Variants in ATP9B observed in about 807,000 individuals in gnomAD.
ATP9B encodes probable phospholipid-transporting ATPase IIB.
Under a neutral mutation model 146.1 loss-of-function variants are expected in ATP9B, and 110 were observed. That is an observed-to-expected ratio of 0.75 (90% CI 0.65 to 0.88). ATP9B has a LOEUF of 0.88. Among genes scored for constraint, ATP9B ranks in the 40% least tolerant of loss-of-function variants. ATP9B has a pLI of 0.00. For synonymous variants in ATP9B, 604 were observed against 569.7 expected, an observed-to-expected ratio of 1.06 and a Z score of -0.86; for missense variants, 1,499 against 1,496.4, an observed-to-expected ratio of 1.00 and a Z score of -0.03.
At chr18:79,223,102 G>A (rs573694026) in intron 11 of ATP9B, among the ~76,000 whole-genome samples, 9 of 152,266 alleles carry the variant, frequency 5.9e-5, no homozygotes, top group Non-Finnish European at 1.2e-4. Flanking sequence ...TGTCTCATTG[G>A]CAGAGAGATA....
chr18:79,297,751 G>GACTTCT (rs1476419767), intron 13 of ATP9B, among the ~76,000 whole-genome samples: 3 of 113,384 alleles, frequency 2.6e-5, no homozygotes, highest in Admixed American at 1.0e-4. Context: ...CAGGGACTTA[G>GACTTCT]GATTTCATGT....
rs145579551 is a variant in ATP9B at position 79,312,548 on chromosome 18, G to C, written c.1773+5314G>C. Among the ~76,000 whole-genome samples, 640 of 152,298 alleles carry C rather than the reference G, an allele frequency of 4.2e-3. 3 individuals carry two copies. The highest frequency in any genetic ancestry group is 0.024 in the Middle Eastern group (7 of 294). Reference sequence around the variant, plus strand: ...GGCATCCCTCTCCGTGTTTTCGCAGGTTCTGAGTAGCAGGCTTTATCTTCC... The same window carrying C: ...GGCATCCCTCTCCGTGTTTTCGCAGCTTCTGAGTAGCAGGCTTTATCTTCC... On this transcript the variant is annotated intron_variant, in intron 15 of 29. Transcript: ENST00000426216.
At chr18:79,073,578 G>C (rs1012554611) in intron 1 of ATP9B, among the ~76,000 whole-genome samples, 13 of 152,198 alleles carry the variant, frequency 8.5e-5, no homozygotes, top group African/African-American at 1.2e-4. Flanking sequence ...GATTGCGGCA[G>C]TACAGTCCAG....
chr18:79,293,361 G>C (rs1016388194), intron 13 of ATP9B, among the ~76,000 whole-genome samples: 1 of 152,082 alleles, frequency 6.6e-6, no homozygotes, highest in African/African-American at 2.4e-5. Flanking sequence ...AGGTGGGGCC[G>C]TTAAGAGGCA....
chr18:79,190,044 G>A (rs1449661224), intron 8 of ATP9B, among the ~76,000 whole-genome samples: 5 of 152,176 alleles, frequency 3.3e-5, no homozygotes, highest in Non-Finnish European at 5.9e-5. Flanking sequence ...ACTCCCCGCA[G>A]CAGCAGCAGG....
At chr18:79,171,089 G>C (rs1031903511) in intron 7 of ATP9B, among the ~76,000 whole-genome samples, 1 of 152,068 alleles carries the variant, frequency 6.6e-6, no homozygotes, top group African/African-American at 2.4e-5. Context: ...CCCCTATAGT[G>C]TTAAGTAACT....
In ATP9B at chr18:79,174,233, A is replaced by G. The variant is rs776931751; in HGVS notation, c.779-2580A>G. ...ACTTTATTCTAGGAATTTTCACTGC[A>G]TGAAGCTATAGTGTAATGGACTGCT... On this transcript the variant is annotated intron_variant, in intron 7 of 29. Transcript: ENST00000426216. The G allele has an allele frequency of 4.3e-5, 18 of 414,438 alleles. 1 individual carries two copies. In the Middle Eastern group the frequency reaches 1.0e-3, roughly 24 times the overall value. The allele number at this position is 414,438 out of a possible 1,614,324, so 25.7% of individuals were successfully genotyped here. A position where few individuals can be genotyped will look rare whatever the true frequency, so the allele number is the denominator to read the frequency against.
At chr18:79,347,437 C>T (rs967418541) in intron 23 of ATP9B, among the ~76,000 whole-genome samples, 17 of 150,148 alleles carry the variant, frequency 1.1e-4, no homozygotes, top group African/African-American at 4.0e-4. Context: ...GGGTGTCTTC[C>T]GACAGGGCGG....
chr18:79,099,202 TTTTTC>T (rs1476346581), intron 2 of ATP9B, among the ~76,000 whole-genome samples: 22 of 152,196 alleles, frequency 1.4e-4, no homozygotes, highest in Admixed American at 4.6e-4. Context: ...ATCTATTTCT[TTTTTC>T]TTTTCTTTTC....
intron 13 of ATP9B, among the ~76,000 whole-genome samples, chr18:79,300,827 A>G (rs557306971): frequency 6.6e-6 from 1 of 152,350 alleles, no homozygotes; most frequent in East Asian, 1.9e-4. Flanking sequence ...GTTCATTATA[A>G]TATTCTTTTA....
At chr18:79,326,583 C>T (rs1427447767) in intron 15 of ATP9B, among the ~76,000 whole-genome samples, 1 of 152,176 alleles carries the variant, frequency 6.6e-6, no homozygotes, top group Non-Finnish European at 1.5e-5. Context: ...CTGTACCCTC[C>T]CTCCCTGAGC....
intron 1 of ATP9B, among the ~76,000 whole-genome samples, chr18:79,083,096 G>T (rs2073434957): frequency 6.6e-6 from 1 of 152,210 alleles, no homozygotes; most frequent in African/African-American, 2.4e-5. Context: ...TTTCAGAGAT[G>T]CCCTTCCCAG....
chr18:79,305,313 C>G (rs1003773129), intron 14 of ATP9B, among the ~76,000 whole-genome samples: 6 of 152,196 alleles, frequency 3.9e-5, no homozygotes, highest in African/African-American at 1.2e-4. Flanking sequence ...TTCTTGTATA[C>G]TTGCTACCAG....
Position 79,375,406 on chromosome 18 carries a change from T to C in ATP9B, c.3287T>C (p.Val1096Ala), listed in dbSNP as rs1352071899. Residue 1096 changes from valine to alanine, a missense_variant, in exon 29 of 30, where the codon GTG becomes GCG. Val to Ala is a moderately conservative substitution (Grantham distance 64). Transcript: ENST00000426216. ...FLNEYFGIGR[V>A]SFGAFLDVAF... ...TGTTTTGGAACAGGTATAGGCAGAG[T>C]GTCTTTTGGAGCTTTCTTAGGTAGG... 1 of 1,612,878 alleles carries C rather than the reference T, an allele frequency of 6.2e-7. No homozygotes were observed. Among genetic ancestry groups the C allele is most frequent in the African/African-American group, 1.3e-5 (1 of 75,022 alleles).
intron 12 of ATP9B, among the ~76,000 whole-genome samples, chr18:79,266,602 A>G (rs753255101): frequency 6.6e-6 from 1 of 152,120 alleles, no homozygotes; most frequent in African/African-American, 2.4e-5. Context: ...AAGCCTTTTA[A>G]TGCCTTAAGG....
chr18:79,153,410 G>A (rs560166730), intron 6 of ATP9B, among the ~76,000 whole-genome samples: 48 of 152,224 alleles, frequency 3.2e-4, no homozygotes, highest in African/African-American at 1.1e-3. Flanking sequence ...CCTCAAATCT[G>A]TGGGGTTTTG....
chr18:79,270,058 GGGGGACTTGCCGCTTGTCTTT>G (rs557176401), intron 12 of ATP9B, among the ~76,000 whole-genome samples: 116 of 152,314 alleles, frequency 7.6e-4, no homozygotes, highest in African/African-American at 2.6e-3. Context: ...GCTTGGTTCT[GGGGGACTTGCCGCTTGTCTTT>G]GCCATTCCTT....
At chr18:79,089,878 C>T (rs1411837235) in intron 1 of ATP9B, among the ~76,000 whole-genome samples, 2 of 152,138 alleles carry the variant, frequency 1.3e-5, no homozygotes, top group Admixed American at 1.3e-4. Flanking sequence ...TTGTATCTAA[C>T]TGTATTTTTA....
chr18:79,347,596 C>A (rs185466312), intron 23 of ATP9B, among the ~76,000 whole-genome samples, 174 bp from the exon 24 acceptor site: 110 of 152,352 alleles, frequency 7.2e-4, no homozygotes, highest in African/African-American at 2.6e-3. Flanking sequence ...GCTCTTCCTG[C>A]CCCTGTGTCT....
Sources: allele counts gnomAD v4.1 joint callset (sites outside exome capture counted in the v4.1 genomes callset), GRCh38; gene constraint gnomAD v4.1.1; transcripts MANE v1.5; gene names NCBI Gene and HGNC (gene_info 2026-07-23, HGNC 2026-07-21).